The following ZIM2 variants were observed in gnomAD, a reference collection of about 807,000 sequenced individuals.
ZIM2 encodes zinc finger protein 656.
In ZIM2, 14 loss-of-function variants were observed where a neutral mutation model predicts 38.6. The observed-to-expected ratio is 0.36, with a 90% CI of 0.24 to 0.57. The LOEUF (loss-of-function observed/expected upper bound fraction) is 0.57, where lower values mean the gene tolerates loss of function less well. Ranked by LOEUF, ZIM2 falls within the 20% of genes least tolerant of loss-of-function variation. ZIM2 has a pLI of 0.81. For missense variants in ZIM2, 680 were observed against 695.1 expected, an observed-to-expected ratio of 0.98 and a Z score of 0.24; for synonymous variants, 247 against 245.8, an observed-to-expected ratio of 1.00 and a Z score of -0.04.
chr19:56,790,494 T>A (rs887512775), intron 9 of ZIM2, among the ~76,000 whole-genome samples: 1 of 152,246 alleles, frequency 6.6e-6, no homozygotes, highest in African/African-American at 2.4e-5. Flanking sequence ...TTGTCCAGTG[T>A]ATCCACTCTG....
chr19:56,811,158 T>G, intron 9 of ZIM2: 1 of 977,950 alleles, frequency 1.0e-6, no homozygotes, highest in Non-Finnish European at 1.2e-6. Context: ...TCAAATTATG[T>G]TCACAATGAA....
rs1270008621 is a variant in ZIM2, at chr19:56,814,711, A to C, written c.490+3035T>G. ...TAAATCATCTTCCCTATGAAGTCTC[A>C]TATGCTCATTAAGGGCAGAGCTATG... On this transcript the variant is annotated intron_variant, in intron 9 of 12. Coordinates refer to ENST00000629319, the MANE Select transcript of ZIM2 (RefSeq NM_001387356.1). The surrounding 1 kb of genome is among the most constrained non-coding windows in gnomAD (Gnocchi z 5.8). 1 of 1,614,098 alleles carries C rather than the reference A, an allele frequency of 6.2e-7. No individual in the cohort carries two copies. The highest frequency in any genetic ancestry group is 8.5e-7 in the Non-Finnish European group (1 of 1,179,996).
At position 56,818,583 on chromosome 19, in the gene ZIM2, G is replaced by A; in HGVS notation, c.397+17C>T. The A allele has an allele frequency of 6.2e-7, 1 of 1,613,884 alleles. No homozygotes were observed. On this transcript the variant is annotated intron_variant, in intron 8 of 12. Coordinates refer to ENST00000629319, the MANE Select transcript of ZIM2 (RefSeq NM_001387356.1). ...CAATGACTGGACTGGGAGTGACTGA[G>A]AGAAGCAGCTGCTTACCGAGGGAGA... is the stretch of plus-strand genomic sequence containing the variant.
intron 9 of ZIM2, chr19:56,792,925 T>C (rs2047015582): frequency 6.6e-6 from 1 of 152,644 alleles, no homozygotes; most frequent in Non-Finnish European, 1.5e-5. Flanking sequence ...AAAATTTCTA[T>C]TTAGCTCCTA....
chr19:56,837,296 T>G (rs1325670512), intron 1 of ZIM2, among the ~76,000 whole-genome samples: 1 of 152,058 alleles, frequency 6.6e-6, no homozygotes, highest in Non-Finnish European at 1.5e-5. Context: ...CTAGTTCCCA[T>G]GCACTGCCCC....
chr19:56,829,330 C>T (rs1490905276), intron 2 of ZIM2, among the ~76,000 whole-genome samples: 3 of 133,108 alleles, frequency 2.3e-5, no homozygotes, highest in African/African-American at 8.4e-5. Context: ...GGCAACAGAG[C>T]GAGACTCCAT....
rs145807540 is a variant in ZIM2 at position 56,819,694 on chromosome 19, G to GT, written c.295-993dup. Among the ~76,000 whole-genome samples the GT allele has an allele frequency of 1.7e-3, 266 of 152,312 alleles. 2 individuals carry two copies. The highest frequency in any genetic ancestry group is 6.1e-3 in the African/African-American group (252 of 41,582). ...CTTCACCTGTAAAATGGGGAGAAGA[G>GT]TATCTATCTGCTTTGCAATACTGTG... On this transcript the variant is annotated intron_variant, in intron 7 of 12. Coordinates refer to ENST00000629319, the MANE Select transcript of ZIM2 (RefSeq NM_001387356.1).
chr19:56,803,510 G>A (rs990807658), intron 9 of ZIM2, among the ~76,000 whole-genome samples: 5 of 152,218 alleles, frequency 3.3e-5, no homozygotes, highest in South Asian at 4.1e-4. Flanking sequence ...AGGCGTTAGA[G>A]TTTGGGGAAG....
intron 2 of ZIM2, among the ~76,000 whole-genome samples, chr19:56,827,262 T>A (rs892586189): frequency 2.6e-5 from 4 of 152,094 alleles, no homozygotes; most frequent in Non-Finnish European, 5.9e-5. Flanking sequence ...CCAAAAAAAA[T>A]AAAACACATT....
rs559309380 is a variant in ZIM2, at chr19:56,790,402, A to G, written c.491-451T>C. Among the ~76,000 whole-genome samples the G allele has an allele frequency of 4.6e-5, 7 of 152,332 alleles. No individual in the cohort carries two copies. The East Asian group carries it at 1.2e-3, about 25-fold the overall frequency. ...GGAAAATTCCAGAAATAAATAATTC[A>G]TATGTTATAAATTGTGTGCCATTCT... On this transcript the variant is annotated intron_variant, in intron 9 of 12. Transcript: ENST00000629319.
chr19:56,782,884 CTT>C (rs1019026320), intron 10 of ZIM2, among the ~76,000 whole-genome samples: 1 of 151,986 alleles, frequency 6.6e-6, no homozygotes, highest in African/African-American at 2.4e-5. Flanking sequence ...GAGTTACACT[CTT>C]TATTTTAAAA....
At chr19:56,828,749 TAC>T (rs1333257084) in intron 2 of ZIM2, among the ~76,000 whole-genome samples, 1 of 152,170 alleles carries the variant, frequency 6.6e-6, no homozygotes, top group Non-Finnish European at 1.5e-5. Context: ...ACAACACTAA[TAC>T]ACAGAGTTCC....
chr19:56,787,432 C>T (rs1011748586), intron 10 of ZIM2, among the ~76,000 whole-genome samples: 10 of 152,062 alleles, frequency 6.6e-5, no homozygotes, highest in African/African-American at 1.7e-4. Context: ...TGTGCCACCA[C>T]GCCCAGCTAA....
At chr19:56,840,034 C>G (rs1601364481) in intron 1 of ZIM2, among the ~76,000 whole-genome samples, 1 of 152,240 alleles carries the variant, frequency 6.6e-6, no homozygotes, top group Non-Finnish European at 1.5e-5. Flanking sequence ...ACAAGCCCCG[C>G]CCCCAGAGGG....
At chr19:56,828,690 A>C (rs76664965) in intron 2 of ZIM2, among the ~76,000 whole-genome samples, 8,687 of 152,326 alleles carry the variant, frequency 0.057, 354 homozygotes, top group Non-Finnish European at 0.082. Context: ...TAATGTTTGA[A>C]ATGTAAAAGG....
rs574580520 is a variant in ZIM2, at chr19:56,795,630, TACGGCGAGGAGAAGG to T, written c.491-5694_491-5680del. Among the ~76,000 whole-genome samples, 16 of 152,280 alleles carry T rather than the reference TACGGCGAGGAGAAGG, an allele frequency of 1.1e-4. 1 individual carries two copies. Among genetic ancestry groups the T allele is most frequent in the African/African-American group, 3.1e-4 (13 of 41,582 alleles). On this transcript the variant is annotated intron_variant, in intron 9 of 12. Coordinates refer to ENST00000629319, the MANE Select transcript of ZIM2 (RefSeq NM_001387356.1). ...CTGTGAGACACGAGGATAGGGTTGG[TACGGCGAGGAGAAGG>T]GCGGCGACGTAGGAGGGCGCTCCTG...
chr19:56,789,493 G>C (rs2046810618), intron 10 of ZIM2, among the ~76,000 whole-genome samples: 1 of 151,680 alleles, frequency 6.6e-6, no homozygotes, highest in African/African-American at 2.4e-5. Context: ...ATAAAAAGGG[G>C]AACAATAATA....
At chr19:56,815,946 C>G (rs1314364052) in intron 9 of ZIM2, 10 of 1,599,546 alleles carry the variant, frequency 6.3e-6, no homozygotes, top group Non-Finnish European at 8.5e-6. Flanking sequence ...GGATAACAGA[C>G]CTACTGTATT....
At chr19:56,812,037 A>G in intron 9 of ZIM2, 1 of 984,520 alleles carries the variant, frequency 1.0e-6, no homozygotes, top group Non-Finnish European at 1.2e-6. Context: ...CCAGAAGAGT[A>G]AGATTCAGAC....
Sources: allele counts gnomAD v4.1 joint callset (sites outside exome capture counted in the v4.1 genomes callset), GRCh38; gene constraint gnomAD v4.1.1; non-coding constraint Gnocchi (gnomAD v3.1); transcripts MANE v1.5; gene names NCBI Gene and HGNC (gene_info 2026-07-23, HGNC 2026-07-21).